Variants in NBAS observed in about 807,000 individuals in gnomAD.
The protein encoded by NBAS is NAG/BC035112 fusion.
In NBAS, 219 loss-of-function variants were observed where a neutral mutation model predicts 302.5. The observed-to-expected ratio is 0.72, with a 90% CI of 0.65 to 0.81. The LOEUF (loss-of-function observed/expected upper bound fraction) is 0.81, where lower values mean the gene tolerates loss of function less well. NBAS is among the 30% of genes least tolerant of loss of function. The probability of loss-of-function intolerance (pLI) is 0.00; values close to 1 mark genes in which losing one functional copy is unlikely to be tolerated. For synonymous variants in NBAS, 1,118 were observed against 1,021.6 expected (o/e 1.09, Z -1.80); for missense variants, 2,932 against 2,841.6 (o/e 1.03, Z -0.72).
intron 21 of NBAS, among the ~76,000 whole-genome samples, chr2:15,439,323 A>G (rs977852236): frequency 6.6e-6 from 1 of 151,730 alleles, no homozygotes; most frequent in African/African-American, 2.4e-5. Flanking sequence ...AAAAAAAAAA[A>G]AAGAATATTA....
chr2:15,445,910 T>TAA lies in NBAS; in HGVS notation c.2339+15289_2339+15290dup, dbSNP rs70961414. On this transcript the variant is annotated intron_variant, in intron 21 of 51. Coordinates refer to ENST00000281513, the MANE Select transcript of NBAS (RefSeq NM_015909.4). ...GAATGAAAAACATAGTCTCGGAGAT[T>TAA]AAAAAAAAAATACACTGAAGGCATC... 2.2e-4 allele frequency among the ~76,000 whole-genome samples: 33 copies of TAA among 148,232 alleles called. 1 individual carries two copies. The highest frequency in any genetic ancestry group is 1.5e-3 in the South Asian group (7 of 4,710).
At chr2:15,128,113 C>T in the NBAS span, among the ~76,000 whole-genome samples, 1 of 151,988 alleles carries the variant, frequency 6.6e-6, no homozygotes. Context: ...AGGGAATTCC[C>T]AAGGGAATAC....
the NBAS span, among the ~76,000 whole-genome samples, chr2:15,009,911 T>C: frequency 1.3e-5 from 2 of 151,956 alleles, no homozygotes; most frequent in African/African-American, 4.8e-5. Context: ...CATAACAAAC[T>C]ACTGACACAT....
intron 48 of NBAS, among the ~76,000 whole-genome samples, chr2:15,209,995 C>A (rs1019988056): frequency 1.3e-5 from 2 of 152,036 alleles, no homozygotes; most frequent in East Asian, 1.9e-4. Context: ...AAAGACTTAA[C>A]TCTAAGACCT....
intron 5 of NBAS, 125 bp from the exon 6 acceptor site, chr2:15,551,661 G>T: frequency 3.1e-6 from 2 of 655,718 alleles, no homozygotes; most frequent in Non-Finnish European, 5.3e-6. Flanking sequence ...TCTCAGACAT[G>T]GTTTTGTGGC....
At chr2:15,431,087 G>A (rs554657325) in intron 21 of NBAS, among the ~76,000 whole-genome samples, 9 of 151,870 alleles carry the variant, frequency 5.9e-5, no homozygotes, top group Non-Finnish European at 8.8e-5. Flanking sequence ...GATTACAGGC[G>A]TGCGCCACTG....
At chr2:15,504,317 T>C in intron 10 of NBAS, 104 bp from the exon 11 acceptor site, 2 of 957,188 alleles carry the variant, frequency 2.1e-6, no homozygotes, top group Non-Finnish European at 3.3e-6. Context: ...CTAGTATTTT[T>C]TTAATTGATT....
chr2:15,227,426 A>C (rs1054278803), intron 47 of NBAS, among the ~76,000 whole-genome samples: 3 of 152,160 alleles, frequency 2.0e-5, no homozygotes, highest in Non-Finnish European at 4.4e-5. Flanking sequence ...CATAATACCC[A>C]AAGTGATTTA....
At chr2:15,341,635 T>C (rs1000110523) in intron 35 of NBAS, among the ~76,000 whole-genome samples, 2 of 152,120 alleles carry the variant, frequency 1.3e-5, no homozygotes, top group Admixed American at 1.3e-4. Flanking sequence ...GCACGGGCCT[T>C]ATGAAGAAAC....
the NBAS span, among the ~76,000 whole-genome samples, chr2:15,027,908 C>T: frequency 1.6e-4 from 25 of 152,248 alleles, no homozygotes; most frequent in African/African-American, 5.8e-4. Context: ...CAGGCTTTCT[C>T]CTTCAGTTTG....
chr2:14,977,393 T>C, the NBAS span, among the ~76,000 whole-genome samples: 1 of 152,140 alleles, frequency 6.6e-6, no homozygotes, highest in Non-Finnish European at 1.5e-5. Flanking sequence ...TAACCTGAAA[T>C]GAAGTCTGCA....
chr2:15,075,736 T>C, the NBAS span, among the ~76,000 whole-genome samples: 221 of 151,036 alleles, frequency 1.5e-3, no homozygotes, highest in Middle Eastern at 3.4e-3. Flanking sequence ...TATGATGCCA[T>C]TTATGTGATC....
At chr2:15,340,992 C>T (rs1181675999) in intron 35 of NBAS, among the ~76,000 whole-genome samples, 1 of 152,032 alleles carries the variant, frequency 6.6e-6, no homozygotes, top group African/African-American at 2.4e-5. Flanking sequence ...AAGATGTTAC[C>T]AATACTAAGT....
At chr2:15,049,108 C>T in the NBAS span, among the ~76,000 whole-genome samples, 2,205 of 141,776 alleles carry the variant, frequency 0.016, 40 homozygotes, top group African/African-American at 0.048. Flanking sequence ...TGCTCGCTGC[C>T]GCTGAGGCTT....
At chr2:15,369,847 G>A (rs751569170) in intron 31 of NBAS, among the ~76,000 whole-genome samples, 3 of 152,120 alleles carry the variant, frequency 2.0e-5, no homozygotes, top group Non-Finnish European at 4.4e-5. Context: ...GTGCATGCAC[G>A]TCTCAGATGT....
the NBAS span, among the ~76,000 whole-genome samples, chr2:14,893,390 T>C: frequency 6.6e-6 from 1 of 152,218 alleles, no homozygotes. Flanking sequence ...TTCTTCTTCC[T>C]AGTTTTTGTT....
the NBAS span, among the ~76,000 whole-genome samples, chr2:14,956,641 C>T: frequency 6.6e-6 from 1 of 152,172 alleles, no homozygotes; most frequent in African/African-American, 2.4e-5. Flanking sequence ...CGTCCTTCTT[C>T]ACATGGTGGC....
chr2:14,842,186 AC>A, the NBAS span, among the ~76,000 whole-genome samples: 1 of 151,976 alleles, frequency 6.6e-6, no homozygotes, highest in Non-Finnish European at 1.5e-5. Flanking sequence ...ACAAAAGTGT[AC>A]TAAAATGGAA....
At chr2:15,078,538 GCCTGGTGTGCA>G in the NBAS span, among the ~76,000 whole-genome samples, 1 of 152,196 alleles carries the variant, frequency 6.6e-6, no homozygotes, top group Non-Finnish European at 1.5e-5. Context: ...AGACTTTTCA[GCCTGGTGTGCA>G]TGGATTAAGC....
Sources: allele counts gnomAD v4.1 joint callset (sites outside exome capture counted in the v4.1 genomes callset), GRCh38; gene constraint gnomAD v4.1.1; transcripts MANE v1.5; gene names NCBI Gene and HGNC (gene_info 2026-07-23, HGNC 2026-07-21).